WWOX: variants seen among roughly 807,000 people sequenced by gnomAD.
WWOX encodes WW domain-containing oxidoreductase.
In WWOX, 69 loss-of-function variants were observed where a neutral mutation model predicts 46.2. The ratio of observed to expected loss-of-function variants is 1.49; its 90% CI spans 1.23 to 1.82. WWOX has a LOEUF of 1.82. Ranked by LOEUF, WWOX falls within the 40% of genes most tolerant of loss-of-function variation. The pLI is 0.00. For missense variants in WWOX, 919 were observed against 542.6 expected (o/e 1.69, Z -6.89); for synonymous variants, 359 against 202.6 (o/e 1.77, Z -6.56).
chr16:78,876,006 C>T (rs1011597452), intron 8 of WWOX, among the ~76,000 whole-genome samples: 1 of 152,080 alleles, frequency 6.6e-6, no homozygotes, highest in Admixed American at 6.6e-5. Flanking sequence ...TTAGGTCTCC[C>T]ACCCTCTCTT....
chr16:78,926,787 T>A (rs888477513), intron 8 of WWOX, among the ~76,000 whole-genome samples: 1 of 152,088 alleles, frequency 6.6e-6, no homozygotes, highest in African/African-American at 2.4e-5. Context: ...AGTGCCAGTT[T>A]GTTTTTTTGT....
rs753164326 is a variant in WWOX, at chr16:78,978,884, C to T, written c.1057-232724C>T. Among the ~76,000 whole-genome samples the T allele has an allele frequency of 4.6e-5, 7 of 152,204 alleles. No homozygotes were observed. The South Asian group carries it at 8.3e-4, about 18-fold the overall frequency. On this transcript the variant is annotated intron_variant, in intron 8 of 8. Transcript: ENST00000566780. ...ATTACAATTCAACATGAGATTTCGGCGGGGACACAGATCCAAACCTTATCA... is the reference window on the plus strand; with the variant it reads ...ATTACAATTCAACATGAGATTTCGGTGGGGACACAGATCCAAACCTTATCA...
At chr16:78,334,848 A>T (rs1417828154) in intron 5 of WWOX, among the ~76,000 whole-genome samples, 1 of 147,136 alleles carries the variant, frequency 6.8e-6, no homozygotes, top group South Asian at 2.1e-4. Context: ...ACACACACAC[A>T]CACACACAAA....
At chr16:78,550,036 A>C (rs2151541344) in intron 8 of WWOX, among the ~76,000 whole-genome samples, 1 of 152,360 alleles carries the variant, frequency 6.6e-6, no homozygotes, top group East Asian at 1.9e-4. Context: ...CACATTCAAT[A>C]AATGTTCATG....
intron 8 of WWOX, among the ~76,000 whole-genome samples, chr16:78,785,704 A>C (rs1368126753): frequency 2.0e-5 from 3 of 152,226 alleles, no homozygotes; most frequent in Non-Finnish European, 4.4e-5. Context: ...CTGTGACATG[A>C]ATATTGGTTG....
chr16:78,130,498 G>C (rs1453933973), intron 4 of WWOX, among the ~76,000 whole-genome samples: 1 of 152,162 alleles, frequency 6.6e-6, no homozygotes, highest in East Asian at 1.9e-4. Context: ...TTTTGTTGCT[G>C]CAGCTTCAGC....
At chr16:78,333,445 G>T (rs986587734) in intron 5 of WWOX, among the ~76,000 whole-genome samples, 1 of 152,102 alleles carries the variant, frequency 6.6e-6, no homozygotes, top group Non-Finnish European at 1.5e-5. Flanking sequence ...GGTATTTAGT[G>T]AGTGTAATCT....
At chr16:78,782,266 C>G in intron 8 of WWOX, among the ~76,000 whole-genome samples, 1 of 152,278 alleles carries the variant, frequency 6.6e-6, no homozygotes, top group Admixed American at 6.5e-5. Context: ...CTCTAGTGAC[C>G]GCTGTCTTTA....
At chr16:78,206,965 G>A (rs991868803) in intron 5 of WWOX, among the ~76,000 whole-genome samples, 2 of 152,244 alleles carry the variant, frequency 1.3e-5, no homozygotes, top group Middle Eastern at 3.4e-3. Flanking sequence ...AGTTTAATCT[G>A]CATAGTGTTT....
intron 8 of WWOX, among the ~76,000 whole-genome samples, chr16:78,481,758 T>TGTGTGC (rs1567598393): frequency 6.7e-6 from 1 of 148,550 alleles, no homozygotes; most frequent in Non-Finnish European, 1.5e-5. Flanking sequence ...TGTGTGTGTG[T>TGTGTGC]GTGTGTGCGC....
At chr16:78,495,145 C>CTTTTTTTTTTTTTTTTTTTT (rs71140804) in intron 8 of WWOX, among the ~76,000 whole-genome samples, 5 of 116,614 alleles carry the variant, frequency 4.3e-5, no homozygotes, top group African/African-American at 5.9e-5. Flanking sequence ...CTGTTGTGTT[C>CTTTTTTTTTTTTTTTTTTTT]TTTTTTTTTT....
At chr16:78,377,827 A>T (rs976845287) in intron 5 of WWOX, among the ~76,000 whole-genome samples, 4 of 152,194 alleles carry the variant, frequency 2.6e-5, no homozygotes, top group Non-Finnish European at 5.9e-5. Flanking sequence ...ATAAGCTGTT[A>T]TCTGGTGCAA....
intron 8 of WWOX, among the ~76,000 whole-genome samples, chr16:78,879,985 T>A (rs2044310482): frequency 6.6e-6 from 1 of 152,130 alleles, no homozygotes; most frequent in African/African-American, 2.4e-5. Flanking sequence ...CATTTTGAAA[T>A]CTGGTGTAAT....
intron 8 of WWOX, among the ~76,000 whole-genome samples, chr16:79,115,829 G>C (rs959940879): frequency 1.3e-5 from 2 of 152,298 alleles, no homozygotes; most frequent in African/African-American, 2.4e-5. Context: ...ATATACACCA[G>C]CTTTCGCCAC....
intron 8 of WWOX, among the ~76,000 whole-genome samples, chr16:78,901,485 G>C (rs541280589): frequency 5.9e-5 from 9 of 152,048 alleles, no homozygotes; most frequent in African/African-American, 1.9e-4. Context: ...CTGGTAGTCA[G>C]TGTTCTCTTT....
chr16:78,341,481 CGTGA>C (rs1286027736), intron 5 of WWOX, among the ~76,000 whole-genome samples: 1 of 119,914 alleles, frequency 8.3e-6, no homozygotes, highest in African/African-American at 2.8e-5. Flanking sequence ...TTGTCTTAGA[CGTGA>C]GTATTATGTT....
At position 79,027,510 on chromosome 16, in the gene WWOX, C is replaced by G. The variant is rs1239002952; in HGVS notation, c.1057-184098C>G. The stretch of plus-strand genomic sequence containing the variant: ...AATAAGAACTAATGACTTCTGCCTG[C>G]CATCATTTTGGAATGTCCAATTCCC... On this transcript the variant is annotated intron_variant, in intron 8 of 8. Coordinates refer to ENST00000566780, the MANE Select transcript of WWOX (RefSeq NM_016373.4). Among the ~76,000 whole-genome samples, 3 of 151,732 alleles carry G rather than the reference C, an allele frequency of 2.0e-5. No individual in the cohort carries two copies. In the East Asian group the frequency reaches 5.8e-4, roughly 29 times the overall value.
intron 8 of WWOX, among the ~76,000 whole-genome samples, chr16:78,579,874 C>T (rs1463759959): frequency 6.6e-6 from 1 of 152,172 alleles, no homozygotes; most frequent in Non-Finnish European, 1.5e-5. Context: ...CGAAGACTCA[C>T]TGGAACCCAA....
At chr16:79,043,763 G>C (rs888894514) in intron 8 of WWOX, among the ~76,000 whole-genome samples, 1 of 152,184 alleles carries the variant, frequency 6.6e-6, no homozygotes, top group South Asian at 2.1e-4. Flanking sequence ...GATATTATCA[G>C]ACACCTTTCT....
Sources: allele counts gnomAD v4.1 joint callset (sites outside exome capture counted in the v4.1 genomes callset), GRCh38; gene constraint gnomAD v4.1.1; transcripts MANE v1.5; gene names NCBI Gene and HGNC (gene_info 2026-07-23, HGNC 2026-07-21).